The following CARMIL1 variants were observed in gnomAD, a reference collection of about 807,000 sequenced individuals.
CARMIL1 encodes F-actin-uncapping protein LRRC16A.
A neutral mutation model predicts 177.1 loss-of-function variants in CARMIL1; 90 were observed. The ratio of observed to expected loss-of-function variants is 0.51; its 90% CI spans 0.43 to 0.61. CARMIL1 has a LOEUF of 0.61. CARMIL1 is among the 20% of genes least tolerant of loss of function. The pLI is 0.00. For synonymous variants in CARMIL1, 577 were observed against 606.2 expected, an observed-to-expected ratio of 0.95 and a Z score of 0.71; for missense variants, 1,380 against 1,667.0, an observed-to-expected ratio of 0.83 and a Z score of 3.00.
chr6:25,279,902 C>T, intron 1 of CARMIL1, 67 bp downstream of exon 1: 1 of 1,548,388 alleles, frequency 6.5e-7, no homozygotes, highest in Non-Finnish European at 8.9e-7. Context: ...TCTCCCTTCC[C>T]ACCTCTGCTT....
intron 8 of CARMIL1, among the ~76,000 whole-genome samples, chr6:25,454,750 T>C (rs979849189): frequency 6.6e-6 from 1 of 152,248 alleles, no homozygotes; most frequent in Non-Finnish European, 1.5e-5. Flanking sequence ...AGTATTTTGC[T>C]AATTGAATTA....
chr6:25,606,337 A>T, intron 35 of CARMIL1, 64 bp downstream of exon 35: 1 of 1,494,144 alleles, frequency 6.7e-7, no homozygotes, highest in Non-Finnish European at 9.1e-7. Flanking sequence ...CAGCTGGATC[A>T]GACTCTGCAG....
At chr6:25,395,292 C>T (rs1156365326) in intron 2 of CARMIL1, among the ~76,000 whole-genome samples, 1 of 152,192 alleles carries the variant, frequency 6.6e-6, no homozygotes. Flanking sequence ...ACTGCTGTGA[C>T]ATCATTAGTC....
chr6:25,372,134 C>T (rs374595863), intron 2 of CARMIL1, among the ~76,000 whole-genome samples: 1 of 152,056 alleles, frequency 6.6e-6, no homozygotes, highest in South Asian at 2.1e-4. Flanking sequence ...ATACCTATAC[C>T]GTGCTGTTTT....
At position 25,427,846 on chromosome 6, in the gene CARMIL1, C is replaced by T. The variant is rs576443325; in HGVS notation, c.249+1286C>T. ...CTTTTTATCTGTTTATTTGCCATCA[C>T]GTATTTCCTTCTGCCATTACAGAAA... On this transcript the variant is annotated intron_variant, in intron 4 of 36. Transcript: ENST00000329474. Among the ~76,000 whole-genome samples, 182 of 152,266 alleles carry T rather than the reference C, an allele frequency of 1.2e-3. 3 individuals carry two copies. Among genetic ancestry groups the T allele is most frequent in the African/African-American group, 4.0e-3 (167 of 41,562 alleles).
intron 26 of CARMIL1, among the ~76,000 whole-genome samples, chr6:25,542,436 C>G (rs1211666545): frequency 6.6e-6 from 1 of 152,196 alleles, no homozygotes; most frequent in Non-Finnish European, 1.5e-5. Flanking sequence ...TCTGACCCCT[C>G]TTTAAACATC....
At chr6:25,592,568 T>C (rs1439670967) in intron 31 of CARMIL1, among the ~76,000 whole-genome samples, 1 of 152,238 alleles carries the variant, frequency 6.6e-6, no homozygotes, top group African/African-American at 2.4e-5. Flanking sequence ...ATAGGGTTCT[T>C]TGCCTATTAT....
rs147531633 is a variant in CARMIL1 at position 25,466,596 on chromosome 6, G to A, written c.690+648G>A. On this transcript the variant is annotated intron_variant, in intron 9 of 36. Coordinates refer to ENST00000329474, the MANE Select transcript of CARMIL1 (RefSeq NM_017640.6). ...CTGGTGTTTGTTATGGGATAAGAAAGAATTTATATGTTTTCCTGGAGACTC... is the reference window on the plus strand; with the variant it reads ...CTGGTGTTTGTTATGGGATAAGAAAAAATTTATATGTTTTCCTGGAGACTC... Among the ~76,000 whole-genome samples, 43 of 152,282 alleles carry A rather than the reference G, an allele frequency of 2.8e-4. No individual in the cohort carries two copies. The East Asian group carries it at 7.5e-3, about 27-fold the overall frequency.
intron 2 of CARMIL1, among the ~76,000 whole-genome samples, chr6:25,332,330 T>C (rs576139959): frequency 6.6e-6 from 1 of 152,188 alleles, no homozygotes; most frequent in East Asian, 1.9e-4. Context: ...CTGAGAAAGC[T>C]GTAGTGAATA....
rs183972604 is a variant in CARMIL1, at chr6:25,561,835, A to G, written c.2742+4985A>G. On this transcript the variant is annotated intron_variant, in intron 29 of 36. Transcript: ENST00000329474. ...TCAAATCATAATTGTTAATTTTCTC[A>G]TAATTTTATTCTGTAATGTCTTTTT... Among the ~76,000 whole-genome samples, 28 of 152,264 alleles carry G rather than the reference A, an allele frequency of 1.8e-4. No homozygotes were observed. The East Asian group carries it at 5.4e-3, about 29-fold the overall frequency.
chr6:25,319,201 T>C (rs2150232946), intron 2 of CARMIL1, among the ~76,000 whole-genome samples: 1 of 152,342 alleles, frequency 6.6e-6, no homozygotes, highest in Admixed American at 6.5e-5. Context: ...TGTGAATTAT[T>C]CTGATTTATT....
At chr6:25,566,696 C>T (rs948714022) in intron 29 of CARMIL1, among the ~76,000 whole-genome samples, 2 of 152,156 alleles carry the variant, frequency 1.3e-5, no homozygotes, top group African/African-American at 4.8e-5. Context: ...CAGTGCCTGG[C>T]ACAAAATTGC....
intron 31 of CARMIL1, among the ~76,000 whole-genome samples, chr6:25,585,980 C>T (rs1163692549): frequency 1.3e-5 from 2 of 152,246 alleles, no homozygotes; most frequent in African/African-American, 2.4e-5. Flanking sequence ...TCTGATTTCT[C>T]TTTCCTTTCC....
At chr6:25,502,971 A>G (rs1288347093) in intron 17 of CARMIL1, among the ~76,000 whole-genome samples, 2 of 152,236 alleles carry the variant, frequency 1.3e-5, no homozygotes, top group African/African-American at 4.8e-5. Context: ...TCTATTGGGA[A>G]TAACTTTCAG....
In CARMIL1 at chr6:25,387,498, C is replaced by G. The variant is rs141319246; in HGVS notation, c.139-32616C>G. On this transcript the variant is annotated intron_variant, in intron 2 of 36. Coordinates refer to ENST00000329474, the MANE Select transcript of CARMIL1 (RefSeq NM_017640.6). ...AATTTTCTAAGTGAAGAATTCTACC[C>G]TTCTTTAAGTTAAAAGATTTATAAC... Among the ~76,000 whole-genome samples, 807 of 152,316 alleles carry G rather than the reference C, an allele frequency of 5.3e-3. 8 individuals carry two copies. Among genetic ancestry groups the G allele is most frequent in the African/African-American group, 0.012 (515 of 41,572 alleles).
intron 29 of CARMIL1, among the ~76,000 whole-genome samples, chr6:25,576,040 C>T (rs1812554725): frequency 6.6e-6 from 1 of 152,152 alleles, no homozygotes; most frequent in African/African-American, 2.4e-5. Flanking sequence ...ACCCCTGACA[C>T]TTCGCTTTCA....
At chr6:25,454,516 A>G (rs1799287782) in intron 8 of CARMIL1, among the ~76,000 whole-genome samples, 1 of 152,248 alleles carries the variant, frequency 6.6e-6, no homozygotes, top group South Asian at 2.1e-4. Flanking sequence ...ACAAAAAAGT[A>G]GTGGAACTTT....
chr6:25,554,191 A>G lies in CARMIL1; in HGVS notation c.2592+95A>G. The G allele has an allele frequency of 1.2e-6, 1 of 842,490 alleles. No individual in the cohort carries two copies. The highest frequency in any genetic ancestry group is 2.0e-6 in the Non-Finnish European group (1 of 509,208). The allele number at this position is 842,490 out of a possible 1,614,324, so 52.2% of individuals were successfully genotyped here. A position where few individuals can be genotyped will look rare whatever the true frequency, so the allele number is the denominator to read the frequency against. On this transcript the variant is annotated intron_variant, in intron 28 of 36. Coordinates refer to ENST00000329474, the MANE Select transcript of CARMIL1 (RefSeq NM_017640.6). The surrounding 1 kb of genome is among the most constrained non-coding windows in gnomAD (Gnocchi z 4.6). ...TGTGGGGATGTGATTTCTTTTCTGT[A>G]TTTCACACTATTACAGCTTTATGGT... is the stretch of plus-strand genomic sequence containing the variant.
In CARMIL1 at chr6:25,619,671, T is replaced by A. The variant is rs1759578559; in HGVS notation, c.*88T>A. The A allele has an allele frequency of 7.3e-7, 1 of 1,371,286 alleles. No individual in the cohort carries two copies. Among genetic ancestry groups the A allele is most frequent in the Non-Finnish European group, 9.7e-7 (1 of 1,026,006 alleles). 84.9% of individuals were successfully genotyped at this position (1,371,286 alleles called of 1,614,324 possible). The stretch of plus-strand genomic sequence containing the variant: ...GGGCAACATCTTTTCTTCCCAGGCG[T>A]TCTTCTCTGGGTGCTTTATTCTCTT... On this transcript the variant is annotated 3_prime_UTR_variant, in exon 37 of 37. Transcript: ENST00000329474.
Sources: gnomAD v4.1 joint callset for allele counts (sites outside exome capture counted in the v4.1 genomes callset) on GRCh38, gnomAD v4.1.1 for gene constraint, Gnocchi (gnomAD v3.1) non-coding constraint, MANE v1.5 for transcripts, NCBI Gene and HGNC (gene_info 2026-07-23, HGNC 2026-07-21) for gene names.